The following MYOZ2 variants were observed in gnomAD, a reference collection of about 807,000 sequenced individuals.
The protein encoded by MYOZ2 is myozenin 2, also known as myozenin-2.
MYOZ2 carries 19 observed loss-of-function variants against 25.4 expected under a neutral mutation model. The ratio of observed to expected loss-of-function variants is 0.75; its 90% CI spans 0.52 to 1.10. The LOEUF is 1.10. Ranked by LOEUF, MYOZ2 falls within the 50% of genes least tolerant of loss-of-function variation. MYOZ2 has a pLI of 0.00. For synonymous variants in MYOZ2, 92 were observed against 106.9 expected, an observed-to-expected ratio of 0.86 and a Z score of 0.86; for missense variants, 270 against 317.9, an observed-to-expected ratio of 0.85 and a Z score of 1.15.
intron 4 of MYOZ2, among the ~76,000 whole-genome samples, chr4:119,158,442 G>C (rs1008696318): frequency 4.6e-5 from 7 of 152,012 alleles, no homozygotes; most frequent in Admixed American, 4.6e-4. Context: ...TGTAGTCCCA[G>C]CTACTTGGGG....
intron 5 of MYOZ2, among the ~76,000 whole-genome samples, chr4:119,174,059 G>C (rs1742000894): frequency 2.0e-5 from 3 of 152,222 alleles, no homozygotes; most frequent in East Asian, 1.9e-4. Context: ...CGCCATGCCT[G>C]AGCCTCCCAC....
chr4:119,139,488 T>C (rs925898074), intron 2 of MYOZ2, among the ~76,000 whole-genome samples: 1 of 152,190 alleles, frequency 6.6e-6, no homozygotes, highest in Non-Finnish European at 1.5e-5. Flanking sequence ...AATCTGTACA[T>C]ATTTTCCAGT....
chr4:119,153,884 C>A (rs932316197), intron 3 of MYOZ2, among the ~76,000 whole-genome samples: 2 of 151,918 alleles, frequency 1.3e-5, no homozygotes, highest in East Asian at 3.9e-4. Context: ...ATTTTGAAGC[C>A]CTAGTTCATA....
chr4:119,179,127 C>T (rs1448665455), intron 5 of MYOZ2, among the ~76,000 whole-genome samples: 1 of 152,180 alleles, frequency 6.6e-6, no homozygotes, highest in African/African-American at 2.4e-5. Context: ...AAAATACAAT[C>T]CAAACTTGTT....
intron 5 of MYOZ2, among the ~76,000 whole-genome samples, chr4:119,170,194 A>C (rs1242561724): frequency 1.3e-5 from 2 of 151,970 alleles, no homozygotes; most frequent in East Asian, 3.8e-4. Context: ...TGCCACCATC[A>C]ATTCCTGACA....
At chr4:119,180,952 T>C (rs981781563) in intron 5 of MYOZ2, among the ~76,000 whole-genome samples, 10 of 152,234 alleles carry the variant, frequency 6.6e-5, no homozygotes, top group African/African-American at 2.4e-4. Flanking sequence ...GGAATATGTC[T>C]TCAAGTAATT....
Position 119,186,182 on chromosome 4 carries a change from A to T in MYOZ2, c.777A>T (p.Pro259=). Residue 259 remains proline (P), a synonymous_variant, in exon 6 of 6, where the codon CCA becomes CCT. Transcript: ENST00000307128. ...TTEPTDDTTV[P]ESEDL is the part of the protein sequence containing the mutation. ...AACCTACAGATGATACCACTGTACC[A>T]GAATCAGAAGACCTATGAAAAGAAA... 6.2e-7 allele frequency: 1 copy of T among 1,611,704 alleles called. No homozygotes were observed. The highest frequency in any genetic ancestry group is 2.2e-5 in the East Asian group (1 of 44,854).
At chr4:119,178,760 C>T (rs1476117258) in intron 5 of MYOZ2, among the ~76,000 whole-genome samples, 3 of 152,136 alleles carry the variant, frequency 2.0e-5, no homozygotes, top group African/African-American at 7.2e-5. Flanking sequence ...GCATCCACCA[C>T]CTCACCCGGC....
chr4:119,179,056 T>C (rs114692974), intron 5 of MYOZ2, among the ~76,000 whole-genome samples: 1 of 152,228 alleles, frequency 6.6e-6, no homozygotes, highest in African/African-American at 2.4e-5. Context: ...AAAGAAATAA[T>C]TTAGAAATGC....
At chr4:119,157,926 A>C in intron 3 of MYOZ2, 96 bp from the exon 4 acceptor site, 1 of 1,459,652 alleles carries the variant, frequency 6.9e-7, no homozygotes, top group Non-Finnish European at 9.6e-7. Flanking sequence ...TTGCATTTAA[A>C]TTATAAATAT....
intron 2 of MYOZ2, among the ~76,000 whole-genome samples, chr4:119,143,726 C>T (rs902377133): frequency 2.6e-5 from 4 of 152,154 alleles, no homozygotes; most frequent in African/African-American, 7.2e-5. Flanking sequence ...CCTTCCAAGT[C>T]CCTGGCAACT....
chr4:119,180,568 TTTTTGAGATGGAA>T (rs1413561640), intron 5 of MYOZ2, among the ~76,000 whole-genome samples: 4 of 152,208 alleles, frequency 2.6e-5, no homozygotes, highest in Non-Finnish European at 4.4e-5. Context: ...CACATATATT[TTTTTGAGATGGAA>T]TTTTGCTCGT....
At chr4:119,170,210 C>A (rs938856863) in intron 5 of MYOZ2, among the ~76,000 whole-genome samples, 1 of 152,022 alleles carries the variant, frequency 6.6e-6, no homozygotes, top group Non-Finnish European at 1.5e-5. Context: ...TGACAACCAC[C>A]ATTCTACTTT....
chr4:119,157,925 A>T, intron 3 of MYOZ2, 97 bp from the exon 4 acceptor site: 3 of 1,456,736 alleles, frequency 2.1e-6, no homozygotes, highest in Non-Finnish European at 2.9e-6. Context: ...ATTGCATTTA[A>T]ATTATAAATA....
chr4:119,162,183 C>T (rs1741724107), intron 4 of MYOZ2, among the ~76,000 whole-genome samples: 1 of 152,040 alleles, frequency 6.6e-6, no homozygotes, highest in African/African-American at 2.4e-5. Context: ...AGTCCAGGCA[C>T]AGGAAATGAA....
At chr4:119,159,502 C>T (rs1741659805) in intron 4 of MYOZ2, among the ~76,000 whole-genome samples, 2 of 152,080 alleles carry the variant, frequency 1.3e-5, no homozygotes, top group Admixed American at 6.6e-5. Context: ...AATAGGACAT[C>T]TTTCAAAAAA....
At chr4:119,180,747 G>A (rs1742172043) in intron 5 of MYOZ2, among the ~76,000 whole-genome samples, 1 of 152,056 alleles carries the variant, frequency 6.6e-6, no homozygotes, top group Non-Finnish European at 1.5e-5. Flanking sequence ...GTAGAGACGG[G>A]GTTTCACCAT....
At chr4:119,183,362 A>G (rs1742226179) in intron 5 of MYOZ2, among the ~76,000 whole-genome samples, 2 of 152,034 alleles carry the variant, frequency 1.3e-5, no homozygotes, top group African/African-American at 4.8e-5. Context: ...AGTATGAATT[A>G]GGGCTTAAAG....
intron 5 of MYOZ2, among the ~76,000 whole-genome samples, chr4:119,166,459 T>C (rs373055647): frequency 1.3e-5 from 2 of 150,726 alleles, no homozygotes; most frequent in East Asian, 3.9e-4. Flanking sequence ...CAATGAGCTA[T>C]AATCACACCA....
Sources: allele counts gnomAD v4.1 joint callset (sites outside exome capture counted in the v4.1 genomes callset), GRCh38; gene constraint gnomAD v4.1.1; transcripts MANE v1.5; gene names NCBI Gene and HGNC (gene_info 2026-07-23, HGNC 2026-07-21).